The following CENPE variants were observed in gnomAD, a reference collection of about 807,000 sequenced individuals.
CENPE encodes the protein centromere protein E, also known as centromere-associated protein E.
CENPE carries 145 observed loss-of-function variants against 336.1 expected under a neutral mutation model. That is an observed-to-expected ratio of 0.43 (90% CI 0.38 to 0.50). The LOEUF (loss-of-function observed/expected upper bound fraction) is 0.50. CENPE is among the 20% of genes least tolerant of loss of function. The pLI, the probability that CENPE is intolerant of heterozygous loss-of-function variation, is 0.00. For synonymous variants in CENPE, 1,013 were observed against 984.8 expected (o/e 1.03, Z -0.54); for missense variants, 2,719 against 3,023.3 (o/e 0.90, Z 2.36).
chr4:103,185,295 AG>A (rs1384554802), intron 9 of CENPE, among the ~76,000 whole-genome samples: 2 of 145,832 alleles, frequency 1.4e-5, no homozygotes, highest in Non-Finnish European at 1.5e-5. Context: ...ACAGAGTGAG[AG>A]TCTGCCTTAG....
At position 103,129,867 on chromosome 4, in the gene CENPE, G is replaced by T. The variant is rs187029335; in HGVS notation, c.6924+2826C>A. On this transcript the variant is annotated intron_variant, in intron 42 of 48. Coordinates refer to ENST00000265148, the MANE Select transcript of CENPE (RefSeq NM_001813.3). The stretch of plus-strand genomic sequence containing the variant: ...GGATTTATCCCAGGTATGCAAGGCT[G>T]GTTTAACATTCAAAAATCAATTAAT... 2.2e-3 allele frequency among the ~76,000 whole-genome samples: 336 copies of T among 152,266 alleles called. 1 individual carries two copies. Among genetic ancestry groups the T allele is most frequent in the African/African-American group, 7.9e-3 (327 of 41,546 alleles).
At chr4:103,116,727 A>C in intron 44 of CENPE, 38 bp from the exon 45 acceptor site, 1 of 1,082,390 alleles carries the variant, frequency 9.2e-7, no homozygotes, top group Non-Finnish European at 1.3e-6. Context: ...TAATTATTAG[A>C]GGCGCTTCAG....
At chr4:103,186,747 A>G (rs933820597) in intron 8 of CENPE, among the ~76,000 whole-genome samples, 1 of 152,216 alleles carries the variant, frequency 6.6e-6, no homozygotes, top group Admixed American at 6.5e-5. Context: ...TTATTTAAAT[A>G]GAGCTGGAAA....
rs755138593 is a variant in CENPE, at chr4:103,114,453, A to G, written c.7540+2T>C. 1.3e-6 allele frequency: 2 copies of G among 1,563,126 alleles called. No homozygotes were observed. Among genetic ancestry groups the G allele is most frequent in the Admixed American group, 1.7e-5 (1 of 59,918 alleles). On this transcript the variant is annotated splice_donor_variant, in intron 46 of 48. Coordinates refer to ENST00000265148, the MANE Select transcript of CENPE (RefSeq NM_001813.3). LOFTEE classifies it high-confidence loss of function. ...CTGAAAATATCTGCATTTTCTACTT[A>G]CCTGAGGTATCTTGGGCCTGTTGAC...
In CENPE at chr4:103,146,119, C is replaced by T; in HGVS notation, c.4135-12G>A. 1 of 1,608,152 alleles carries T rather than the reference C, an allele frequency of 6.2e-7. No homozygotes were observed. The highest frequency in any genetic ancestry group is 8.5e-7 in the Non-Finnish European group (1 of 1,177,840). Reference sequence around the variant, plus strand: ...TGAGACTCCTGGATCTTAAGAGAATCATAAAACAGTACAGTTGATATCCAG... The same window carrying T: ...TGAGACTCCTGGATCTTAAGAGAATTATAAAACAGTACAGTTGATATCCAG... On this transcript the variant is annotated splice_polypyrimidine_tract_variant and intron_variant, in intron 29 of 48. Coordinates refer to ENST00000265148, the MANE Select transcript of CENPE (RefSeq NM_001813.3).
intron 11 of CENPE, 51 bp from the exon 12 acceptor site, chr4:103,181,507 A>G: frequency 6.9e-7 from 1 of 1,454,276 alleles, no homozygotes; most frequent in African/African-American, 1.5e-5. Context: ...AAAAAATTCG[A>G]ATTTAATTAA....
intron 43 of CENPE, 24 bp from the exon 44 acceptor site, chr4:103,120,357 T>C (rs539804381): frequency 1.9e-6 from 3 of 1,578,694 alleles, no homozygotes; most frequent in East Asian, 4.5e-5. Context: ...CACACATTCA[T>C]AAGCTCTATC....
At chr4:103,115,529 A>C (rs889014598) in intron 45 of CENPE, among the ~76,000 whole-genome samples, 1 of 152,210 alleles carries the variant, frequency 6.6e-6, no homozygotes, top group Non-Finnish European at 1.5e-5. Context: ...AGAGAGCATG[A>C]AAATTCCAAT....
At chr4:103,112,582 G>A (rs1749573186) in intron 46 of CENPE, among the ~76,000 whole-genome samples, 1 of 138,048 alleles carries the variant, frequency 7.2e-6, no homozygotes, top group Non-Finnish European at 1.5e-5. Flanking sequence ...ACTTATAAAT[G>A]TATACATACT....
intron 47 of CENPE, 26 bp from the exon 48 acceptor site, chr4:103,109,115 G>C: frequency 1.9e-6 from 3 of 1,554,552 alleles, no homozygotes; most frequent in Non-Finnish European, 2.6e-6. Flanking sequence ...AGAAAAGAGA[G>C]ACTGTAAGAC....
In CENPE at chr4:103,111,000, G is replaced by C. The variant is rs771988921; in HGVS notation, c.7552C>G (p.His2518Asp). ...QAQDTSVISE[H>D]TDPQPSNKPL... Reference sequence around the variant, plus strand: ...TTATTTGAAGGCTGAGGATCAGTATGTTCTGATATCACTGTGGGAGGAAAA... The same window carrying C: ...TTATTTGAAGGCTGAGGATCAGTATCTTCTGATATCACTGTGGGAGGAAAA... Residue 2518 changes from histidine (H) to aspartate (D), a missense_variant, in exon 47 of 49, where the codon CAT (histidine) becomes GAT (aspartate). Coordinates refer to ENST00000265148, the MANE Select transcript of CENPE (RefSeq NM_001813.3). 3 of 1,580,454 alleles carry C rather than the reference G, an allele frequency of 1.9e-6. No individual in the cohort carries two copies. The highest frequency in any genetic ancestry group is 2.4e-5 in the South Asian group (2 of 84,930).
At chr4:103,137,065 T>G (rs900263637) in intron 39 of CENPE, among the ~76,000 whole-genome samples, 4 of 152,196 alleles carry the variant, frequency 2.6e-5, no homozygotes, top group African/African-American at 9.7e-5. Context: ...GACAAAATTA[T>G]GTTTATAAAC....
intron 48 of CENPE, 121 bp from the exon 49 acceptor site, chr4:103,106,437 G>C: frequency 3.4e-6 from 2 of 584,062 alleles, no homozygotes; most frequent in Non-Finnish European, 5.8e-6. Context: ...ATGGCAACGT[G>C]ATTCACCGTG....
chr4:103,118,021 A>C (rs541114414), intron 44 of CENPE, among the ~76,000 whole-genome samples: 183 of 152,328 alleles, frequency 1.2e-3, no homozygotes, highest in Non-Finnish European at 2.1e-3. Flanking sequence ...GCAATTATGA[A>C]CACAGCTGCT....
At chr4:103,111,522 G>A (rs970117363) in intron 46 of CENPE, among the ~76,000 whole-genome samples, 1 of 152,212 alleles carries the variant, frequency 6.6e-6, no homozygotes, top group Non-Finnish European at 1.5e-5. Context: ...AAGAGACTGT[G>A]TTTTGTAAAT....
Position 103,180,199 on chromosome 4 carries a change from T to C in CENPE, c.1242+112A>G, listed in dbSNP as rs987900805. On this transcript the variant is annotated intron_variant, in intron 13 of 48. Transcript: ENST00000265148. ...TATGAAACACAAAATCTTCTGGGTT[T>C]CTTGAATATACTGTATCAAAGGATA... The C allele has an allele frequency of 9.7e-6, 9 of 926,370 alleles. No individual in the cohort carries two copies. In the Admixed American group the frequency reaches 2.8e-4, roughly 28 times the overall value. The allele number at this position is 926,370 out of a possible 1,614,324, so 57.4% of individuals were successfully genotyped here. A position where few individuals can be genotyped will look rare whatever the true frequency, so the allele number is the denominator to read the frequency against.
rs192831119 is a variant in CENPE, at chr4:103,147,952, C to G, written c.3844-306G>C. Among the ~76,000 whole-genome samples the G allele has an allele frequency of 2.1e-4, 32 of 152,222 alleles. 1 individual carries two copies. The highest frequency in any genetic ancestry group is 4.6e-4 in the Admixed American group (7 of 15,294). Reference sequence around the variant, plus strand: ...CAGGTGATCTGCCTGCCTTGGCCTCCCAAAGTGCTGGGATTACAGGTGTGA... The same window carrying G: ...CAGGTGATCTGCCTGCCTTGGCCTCGCAAAGTGCTGGGATTACAGGTGTGA... On this transcript the variant is annotated intron_variant, in intron 28 of 48. Coordinates refer to ENST00000265148, the MANE Select transcript of CENPE (RefSeq NM_001813.3).
At chr4:103,160,492 T>C in intron 21 of CENPE, 133 bp downstream of exon 21, 1 of 622,662 alleles carries the variant, frequency 1.6e-6, no homozygotes, top group Admixed American at 3.4e-5. Flanking sequence ...TTTCTATTTC[T>C]AACTAGTCAA....
At chr4:103,108,431 T>C (rs764295791) in intron 48 of CENPE, among the ~76,000 whole-genome samples, 17 of 152,174 alleles carry the variant, frequency 1.1e-4, no homozygotes, top group Non-Finnish European at 2.1e-4. Context: ...TCATCTATTA[T>C]CTGGCTTGGG....
Sources: allele counts gnomAD v4.1 joint callset (sites outside exome capture counted in the v4.1 genomes callset), GRCh38; gene constraint gnomAD v4.1.1; transcripts MANE v1.5; gene names NCBI Gene and HGNC (gene_info 2026-07-23, HGNC 2026-07-21).